Variants in WDR20 observed in about 807,000 individuals in gnomAD.
WDR20 encodes WD repeat-containing protein 20.
A neutral mutation model predicts 38.7 loss-of-function variants in WDR20; 3 were observed. The ratio of observed to expected loss-of-function variants is 0.08; its 90% CI spans 0.04 to 0.20. The LOEUF is 0.20. Among genes scored for constraint, WDR20 ranks in the 10% least tolerant of loss-of-function variants. The probability of loss-of-function intolerance (pLI) is 1.00; values close to 1 mark genes in which losing one functional copy is unlikely to be tolerated. For missense variants in WDR20, 559 were observed against 727.7 expected (o/e 0.77, Z 2.67); for synonymous variants, 298 against 285.6 (o/e 1.04, Z -0.44).
At chr14:102,141,344 T>A (rs2152653154) in intron 1 of WDR20, among the ~76,000 whole-genome samples, 1 of 152,350 alleles carries the variant, frequency 6.6e-6, no homozygotes, top group South Asian at 2.1e-4. Flanking sequence ...TTACAAGAGC[T>A]AGGGAAATGA....
chr14:102,194,396 G>C (rs925926856), intron 1 of WDR20, among the ~76,000 whole-genome samples: 2 of 152,196 alleles, frequency 1.3e-5, no homozygotes, highest in African/African-American at 4.8e-5. Flanking sequence ...CGACTTGCTG[G>C]CCCTACTCCC....
At chr14:102,224,425 G>C, downstream of WDR20, 1 of 375,158 alleles carries the variant, frequency 2.7e-6, no homozygotes. Context: ...CGAGTTACTG[G>C]AATCCCAACA....
chr14:102,199,132 T>A (rs1214809459), intron 2 of WDR20, among the ~76,000 whole-genome samples: 1 of 151,994 alleles, frequency 6.6e-6, no homozygotes, highest in Non-Finnish European at 1.5e-5. Flanking sequence ...CACAGTTAAT[T>A]ACCACGACAT....
intron 1 of WDR20, among the ~76,000 whole-genome samples, chr14:102,190,964 G>A (rs927312824): frequency 1.3e-5 from 2 of 150,606 alleles, no homozygotes; most frequent in African/African-American, 4.9e-5. Context: ...TCATGCCAGT[G>A]CACTGTAGCC....
chr14:102,147,773 C>T (rs2054187504), intron 1 of WDR20, among the ~76,000 whole-genome samples: 1 of 152,198 alleles, frequency 6.6e-6, no homozygotes, highest in Admixed American at 6.5e-5. Context: ...CTCTATTCCC[C>T]AGGCTGGAGT....
chr14:102,215,510 T>A (rs954678947), downstream of WDR20, among the ~76,000 whole-genome samples: 1 of 152,140 alleles, frequency 6.6e-6, no homozygotes, highest in African/African-American at 2.4e-5. Context: ...ACGTGCAGGT[T>A]TGTTACATAG....
chr14:102,187,693 G>A (rs2065216059), intron 1 of WDR20, among the ~76,000 whole-genome samples: 2 of 152,128 alleles, frequency 1.3e-5, no homozygotes, highest in South Asian at 4.1e-4. Context: ...AGGGCGAATT[G>A]CATGTGATTG....
chr14:102,199,502 G>T (rs2059955334), intron 2 of WDR20, among the ~76,000 whole-genome samples: 1 of 152,132 alleles, frequency 6.6e-6, no homozygotes, highest in Non-Finnish European at 1.5e-5. Context: ...AACCCAGGCA[G>T]AGAGTCAACA....
intron 1 of WDR20, among the ~76,000 whole-genome samples, chr14:102,144,699 G>A (rs1340653967): frequency 6.8e-6 from 1 of 146,764 alleles, no homozygotes. Context: ...ATGTTTTTTT[G>A]TTTTGTTTTT....
intron 2 of WDR20, among the ~76,000 whole-genome samples, chr14:102,196,536 GA>G (rs1334778720): frequency 1.3e-5 from 2 of 152,124 alleles, no homozygotes; most frequent in African/African-American, 4.8e-5. Context: ...AGTGTGATTG[GA>G]GGGGGCAGGG....
chr14:102,209,348 C>G lies in WDR20; in HGVS notation c.1178C>G (p.Pro393Arg). ...LTEDILFPHQPLSRARTHTNV... is the reference protein window; with the variant it reads ...LTEDILFPHQRLSRARTHTNV... ...GAAGATATCCTTTTCCCTCACCAAC[C>G]CCTCTCAAGAGCAAGGACACACACA... is the stretch of plus-strand genomic sequence containing the variant. Residue 393 changes from proline (P) to arginine (R), a missense_variant, in exon 3 of 3, where the codon CCC (proline) becomes CGC (arginine). Transcript: ENST00000342702. The surrounding 1 kb of genome is among the most constrained non-coding windows in gnomAD (Gnocchi z 6.0). 1 of 1,614,144 alleles carries G rather than the reference C, an allele frequency of 6.2e-7. No homozygotes were observed. Among genetic ancestry groups the G allele is most frequent in the East Asian group, 2.2e-5 (1 of 44,884 alleles).
chr14:102,157,930 G>A (rs537594444), intron 1 of WDR20, among the ~76,000 whole-genome samples: 2 of 152,068 alleles, frequency 1.3e-5, no homozygotes, highest in African/African-American at 2.4e-5. Context: ...CCAAAGTAAT[G>A]TACTACATTA....
At chr14:102,200,463 TTTTTTGTG>T (rs996210380) in intron 2 of WDR20, among the ~76,000 whole-genome samples, 7 of 99,628 alleles carry the variant, frequency 7.0e-5, no homozygotes, top group African/African-American at 3.0e-4. Context: ...TTAAATTTTT[TTTTTTGTG>T]TGTGTGTGTG....
At chr14:102,168,252 A>C (rs1190572) in intron 1 of WDR20, among the ~76,000 whole-genome samples, 1 of 151,980 alleles carries the variant, frequency 6.6e-6, no homozygotes, top group Non-Finnish European at 1.5e-5. Context: ...CACTAAATCA[A>C]TTTGCTGTGT....
intron 1 of WDR20, among the ~76,000 whole-genome samples, chr14:102,189,019 G>C (rs751933628): frequency 6.6e-6 from 1 of 151,832 alleles, no homozygotes; most frequent in Non-Finnish European, 1.5e-5. Flanking sequence ...GACCAGCCTG[G>C]TCAACATGGT....
downstream of WDR20, among the ~76,000 whole-genome samples, chr14:102,218,933 G>A (rs184645914): frequency 3.9e-5 from 6 of 152,318 alleles, no homozygotes; most frequent in African/African-American, 7.2e-5. Context: ...CAGGTCCTCC[G>A]TCGGCCGGGC....
intron 1 of WDR20, among the ~76,000 whole-genome samples, chr14:102,185,886 C>T (rs2064571411): frequency 6.6e-6 from 1 of 151,436 alleles, no homozygotes; most frequent in Non-Finnish European, 1.5e-5. Context: ...GTTTCTATCA[C>T]TTCACTGTTC....
intron 1 of WDR20, among the ~76,000 whole-genome samples, chr14:102,181,161 G>A (rs1041189459): frequency 1.3e-5 from 2 of 152,014 alleles, no homozygotes; most frequent in Non-Finnish European, 2.9e-5. Flanking sequence ...GTGTCATTTG[G>A]TTTATCCTAA....
intron 1 of WDR20, among the ~76,000 whole-genome samples, chr14:102,194,649 A>G (rs893982228): frequency 6.6e-6 from 1 of 152,214 alleles, no homozygotes; most frequent in African/African-American, 2.4e-5. Flanking sequence ...TATCTCAAGG[A>G]TATTTCCTGC....
Sources: allele counts gnomAD v4.1 joint callset (sites outside exome capture counted in the v4.1 genomes callset), GRCh38; gene constraint gnomAD v4.1.1; non-coding constraint Gnocchi (gnomAD v3.1); transcripts MANE v1.5; gene names NCBI Gene and HGNC (gene_info 2026-07-23, HGNC 2026-07-21).